Variants in SPECC1L observed in about 807,000 individuals in gnomAD.
SPECC1L encodes the protein sperm antigen with calponin homology and coiled-coil domains 1 like, also known as cytospin-A.
Under a neutral mutation model 116.8 loss-of-function variants are expected in SPECC1L, and 40 were observed. The ratio of observed to expected loss-of-function variants is 0.34; its 90% confidence interval spans 0.27 to 0.45. The LOEUF is 0.45. Ranked by LOEUF, SPECC1L falls within the 20% of genes least tolerant of loss-of-function variation. SPECC1L has a pLI of 1.00. For synonymous variants in SPECC1L, 504 were observed against 500.6 expected (o/e 1.01, Z -0.09); for missense variants, 1,110 against 1,373.6 (o/e 0.81, Z 3.03).
At chr22:24,407,380 G>T (rs544620357) in intron 14 of SPECC1L, among the ~76,000 whole-genome samples, 5 of 152,338 alleles carry the variant, frequency 3.3e-5, no homozygotes, top group African/African-American at 1.2e-4. Flanking sequence ...CCCTGGCGGG[G>T]TGTTGGGTTT....
Position 24,365,534 on chromosome 22 carries a change from G to A in SPECC1L, c.2886G>A (p.Ser962=), listed in dbSNP as rs139166286. The A allele has an allele frequency of 2.5e-4, 406 of 1,611,170 alleles. 1 individual carries two copies. In the African/African-American group the frequency reaches 4.8e-3, roughly 19 times the overall value. Residue 962 remains serine, a synonymous_variant, in exon 13 of 17, where the codon TCG becomes TCA. Coordinates refer to ENST00000314328, the MANE Select transcript of SPECC1L (RefSeq NM_015330.6). The stretch of plus-strand genomic sequence containing the variant: ...ACATTTCTGCACAGGAGGGAGCGTC[G>A]CCAGCCTCTCTGATGGCTATGGGAA... The part of the protein sequence containing the change: ...KRDISAQEGA[S]PASLMAMGTT...
At chr22:24,349,648 C>T (rs1017653104) in intron 11 of SPECC1L, among the ~76,000 whole-genome samples, 2 of 152,224 alleles carry the variant, frequency 1.3e-5, no homozygotes, top group Non-Finnish European at 2.9e-5. Flanking sequence ...TTCTCCATCT[C>T]CATTCATGGC....
intron 2 of SPECC1L, among the ~76,000 whole-genome samples, chr22:24,294,908 A>C (rs1485645524): frequency 6.6e-6 from 1 of 152,194 alleles, no homozygotes; most frequent in East Asian, 1.9e-4. Context: ...TTTCCTGTAA[A>C]ATGGCTTCCA....
At chr22:24,396,302 T>G (rs1291448342) in intron 14 of SPECC1L, among the ~76,000 whole-genome samples, 1 of 151,996 alleles carries the variant, frequency 6.6e-6, no homozygotes, top group East Asian at 1.9e-4. Context: ...GTGGTTTTTT[T>G]TTTTTGTTGT....
intron 14 of SPECC1L, among the ~76,000 whole-genome samples, chr22:24,405,858 T>C (rs1407560227): frequency 1.3e-5 from 2 of 150,082 alleles, no homozygotes; most frequent in African/African-American, 5.0e-5. Context: ...AAAAAAGTAC[T>C]TTACATATGT....
intron 16 of SPECC1L, among the ~76,000 whole-genome samples, chr22:24,413,689 C>T (rs1201679443): frequency 6.6e-6 from 1 of 152,198 alleles, no homozygotes; most frequent in Non-Finnish European, 1.5e-5. Context: ...TTTTACAACA[C>T]GTGTAAAGTT....
intron 2 of SPECC1L, among the ~76,000 whole-genome samples, chr22:24,285,588 G>A (rs951706683): frequency 6.6e-6 from 1 of 152,000 alleles, no homozygotes; most frequent in African/African-American, 2.4e-5. Context: ...TGTGTATCAC[G>A]TGGTCTATGT....
intron 10 of SPECC1L, among the ~76,000 whole-genome samples, chr22:24,340,738 A>G (rs775616569): frequency 1.3e-5 from 2 of 152,186 alleles, no homozygotes; most frequent in Non-Finnish European, 1.5e-5. Flanking sequence ...ACCTAATCGT[A>G]TATAAAAATC....
At chr22:24,410,484 G>C (rs1291628071) in intron 14 of SPECC1L, among the ~76,000 whole-genome samples, 1 of 152,214 alleles carries the variant, frequency 6.6e-6, no homozygotes, top group Non-Finnish European at 1.5e-5. Context: ...ACAGCCTGCA[G>C]GGCTGAGGAG....
intron 9 of SPECC1L, among the ~76,000 whole-genome samples, chr22:24,337,843 A>G (rs963847643): frequency 1.3e-5 from 2 of 152,186 alleles, no homozygotes; most frequent in Non-Finnish European, 2.9e-5. Flanking sequence ...TCAGCAGTTT[A>G]TTATAGAGAG....
intron 14 of SPECC1L, among the ~76,000 whole-genome samples, chr22:24,406,852 G>A (rs529312011): frequency 7.9e-5 from 12 of 152,312 alleles, no homozygotes; most frequent in African/African-American, 1.9e-4. Flanking sequence ...TTATAATTTA[G>A]TCAATATGAC....
intron 1 of SPECC1L, among the ~76,000 whole-genome samples, chr22:24,274,118 G>A (rs1474744900): frequency 1.3e-5 from 2 of 152,192 alleles, no homozygotes; most frequent in Non-Finnish European, 2.9e-5. Context: ...TCTTTCTGGT[G>A]GTTGGAATTG....
Position 24,321,674 on chromosome 22 carries a change from A to G in SPECC1L, c.694A>G (p.Met232Val), listed in dbSNP as rs201958693. 78 of 1,614,280 alleles carry G rather than the reference A, an allele frequency of 4.8e-5. No individual in the cohort carries two copies. In the East Asian group the frequency reaches 8.0e-4, roughly 17 times the overall value. ...TGAAAAATCTGAGAAGGAAACTATT[A>G]TGGCTCACCAGCCGACTGATGTGGA... ...GDEKSEKETIMAHQPTDVEST... is the reference protein window; with the variant it reads ...GDEKSEKETIVAHQPTDVEST... Residue 232 changes from methionine (M) to valine (V), a missense_variant, in exon 5 of 17, where the codon ATG becomes GTG. Physicochemically the swap from Met to Val is conservative, Grantham distance 21. This residue lies in a region of SPECC1L where 437 missense variants were observed against 482.6 expected (regional missense o/e 0.91). Transcript: ENST00000314328.
chr22:24,390,787 A>C (rs781296597), intron 14 of SPECC1L, among the ~76,000 whole-genome samples: 17 of 140,134 alleles, frequency 1.2e-4, no homozygotes, highest in Non-Finnish European at 2.4e-4. Context: ...AGAGCTTCAC[A>C]TTTCTTGGAG....
At chr22:24,351,522 G>T (rs945511671) in intron 11 of SPECC1L, among the ~76,000 whole-genome samples, 2 of 152,146 alleles carry the variant, frequency 1.3e-5, no homozygotes, top group Non-Finnish European at 2.9e-5. Flanking sequence ...GTAAAAGCTG[G>T]TCTCATTCTC....
chr22:24,298,653 A>C (rs1264041826), intron 2 of SPECC1L, among the ~76,000 whole-genome samples: 1 of 152,178 alleles, frequency 6.6e-6, no homozygotes, highest in Non-Finnish European at 1.5e-5. Flanking sequence ...AAGGAAAACC[A>C]ATGTTTGTTT....
chr22:24,275,639 A>G (rs1192276145), intron 1 of SPECC1L, among the ~76,000 whole-genome samples: 1 of 150,956 alleles, frequency 6.6e-6, no homozygotes, highest in Non-Finnish European at 1.5e-5. Context: ...TATTGTGCAT[A>G]TAGCCTAAGG....
At chr22:24,399,056 G>C (rs2042420374) in intron 14 of SPECC1L, among the ~76,000 whole-genome samples, 1 of 152,208 alleles carries the variant, frequency 6.6e-6, no homozygotes, top group South Asian at 2.1e-4. Context: ...TCATCAGTTA[G>C]CTGTGACCCA....
intron 11 of SPECC1L, among the ~76,000 whole-genome samples, chr22:24,353,932 A>T (rs151211707): frequency 4.4e-4 from 67 of 152,354 alleles, no homozygotes; most frequent in African/African-American, 1.3e-3. Context: ...TTATAAAGAA[A>T]AGAGGTTTAA....
Sources: gnomAD v4.1 joint callset for allele counts (sites outside exome capture counted in the v4.1 genomes callset) on GRCh38, gnomAD v4.1.1 for gene constraint, gnomAD v4.1.1 regional missense constraint, MANE v1.5 for transcripts, NCBI Gene and HGNC (gene_info 2026-07-23, HGNC 2026-07-21) for gene names.